Variants in SLC25A35 observed in about 807,000 individuals in gnomAD.
SLC25A35 encodes the protein solute carrier family 25, member 35.
Under a neutral mutation model 30.5 loss-of-function variants are expected in SLC25A35, and 32 were observed. The ratio of observed to expected loss-of-function variants is 1.05; its 90% CI spans 0.79 to 1.41. The LOEUF is 1.41. SLC25A35 is among the 40% of genes most tolerant of loss of function. SLC25A35 has a pLI of 0.00. For synonymous variants in SLC25A35, 142 were observed against 158.1 expected, an observed-to-expected ratio of 0.90 and a Z score of 0.77; for missense variants, 369 against 388.0, an observed-to-expected ratio of 0.95 and a Z score of 0.41.
In SLC25A35 at chr17:8,290,275, A is replaced by T. The variant is rs1990382206; in HGVS notation, c.*230T>A. 2 of 1,425,546 alleles carry T rather than the reference A, an allele frequency of 1.4e-6. No individual in the cohort carries two copies. Among genetic ancestry groups the T allele is most frequent in the Admixed American group, 5.8e-5 (2 of 34,446 alleles). 88.3% of individuals were successfully genotyped at this position (1,425,546 alleles called of 1,614,324 possible). On this transcript the variant is annotated 3_prime_UTR_variant, in exon 5 of 5. Coordinates refer to ENST00000577745, the MANE Select transcript of SLC25A35 (RefSeq NM_001320870.2). ...GGGATGACTCGTTCAGCCCTGAGAG[A>T]GGGGTGTGAGTTACCCAGGGAATGG...
downstream of SLC25A35, chr17:8,289,995 G>C (rs1302148871): frequency 1.9e-6 from 3 of 1,610,206 alleles, no homozygotes; most frequent in South Asian, 2.2e-5. Context: ...CTGTGAGGGG[G>C]AAAAGAGGTT....
chr17:8,294,309 T>C, intron 1 of SLC25A35, 124 bp downstream of exon 1: 1 of 1,049,510 alleles, frequency 9.5e-7, no homozygotes. Context: ...ACCAGCACTT[T>C]CCTGATGCCT....
downstream of SLC25A35, chr17:8,289,608 C>T (rs200354447): frequency 4.8e-5 from 77 of 1,609,496 alleles, 1 homozygote; most frequent in African/African-American, 3.9e-4. Context: ...AAGGAACGGG[C>T]GGGTATCTCA....
downstream of SLC25A35, chr17:8,288,603 C>G (rs1170234937): frequency 4.3e-6 from 3 of 694,268 alleles, no homozygotes; most frequent in Admixed American, 7.3e-5. Context: ...CGCTGACCCC[C>G]GCCCCCAGGG....
intron 2 of SLC25A35, among the ~76,000 whole-genome samples, chr17:8,291,979 C>T (rs1051187748): frequency 6.6e-6 from 1 of 151,914 alleles, no homozygotes; most frequent in Admixed American, 6.6e-5. Flanking sequence ...TTCAGGAGTT[C>T]GAGACCAGCC....
downstream of SLC25A35, chr17:8,289,967 G>A (rs764685778): frequency 6.2e-7 from 1 of 1,613,524 alleles, no homozygotes; most frequent in Non-Finnish European, 8.5e-7. Flanking sequence ...ATGTTGCTGA[G>A]AACTTGGGGA....
chr17:8,292,610 A>C, intron 1 of SLC25A35, 22 bp from the exon 2 acceptor site: 1 of 1,613,308 alleles, frequency 6.2e-7, no homozygotes, highest in Non-Finnish European at 8.5e-7. Flanking sequence ...AGAATATCAT[A>C]GCCTGTGCCC....
downstream of SLC25A35, chr17:8,289,903 C>G (rs371169825): frequency 3.7e-6 from 6 of 1,614,030 alleles, no homozygotes; most frequent in African/African-American, 8.0e-5. Flanking sequence ...CCAGTCTGAC[C>G]CTTCACGATC....
At chr17:8,292,661 C>T (rs532581301) in intron 1 of SLC25A35, 73 bp from the exon 2 acceptor site, 6 of 1,252,744 alleles carry the variant, frequency 4.8e-6, no homozygotes, top group South Asian at 2.4e-5. Flanking sequence ...TGTCTCACCC[C>T]CTCACACTTC....
chr17:8,290,282 TGA>T lies in SLC25A35; in HGVS notation c.*221_*222del. 1 of 1,425,598 alleles carries T rather than the reference TGA, an allele frequency of 7.0e-7. No individual in the cohort carries two copies. 88.3% of individuals were successfully genotyped at this position (1,425,598 alleles called of 1,614,324 possible). On this transcript the variant is annotated 3_prime_UTR_variant, in exon 5 of 5. Transcript: ENST00000577745. The stretch of plus-strand genomic sequence containing the variant: ...CTCGTTCAGCCCTGAGAGAGGGGTG[TGA>T]GTTACCCAGGGAATGGGTAGGGAAG...
At chr17:8,292,849 G>T (rs1022147894) in intron 1 of SLC25A35, among the ~76,000 whole-genome samples, 1 of 152,148 alleles carries the variant, frequency 6.6e-6, no homozygotes, top group African/African-American at 2.4e-5. Context: ...AGCAGTCGGG[G>T]GTGGAGTGGT....
chr17:8,289,807 C>A (rs1351095415), downstream of SLC25A35: 2 of 1,613,670 alleles, frequency 1.2e-6, no homozygotes, highest in African/African-American at 2.7e-5. Flanking sequence ...GTTCCCCCAC[C>A]CCAAGCCCTG....
At chr17:8,290,712 G>A in intron 4 of SLC25A35, 34 bp from the exon 5 acceptor site, 1 of 1,601,304 alleles carries the variant, frequency 6.2e-7, no homozygotes, top group Non-Finnish European at 8.5e-7. Flanking sequence ...GGAGAGCACA[G>A]AGAAGGAGTT....
chr17:8,294,827 G>C lies in SLC25A35; in HGVS notation c.-20C>G, dbSNP rs1990759245. ...GTCCATGGTGGGATAGCTGTAGCAGGAACTGACCCAAGAGTAAGAAAGTAA... is the reference window on the plus strand; with the variant it reads ...GTCCATGGTGGGATAGCTGTAGCAGCAACTGACCCAAGAGTAAGAAAGTAA... On this transcript the variant is annotated 5_prime_UTR_variant, in exon 1 of 5. Coordinates refer to ENST00000577745, the MANE Select transcript of SLC25A35 (RefSeq NM_001320870.2). The C allele has an allele frequency of 6.5e-7, 1 of 1,545,558 alleles. No individual in the cohort carries two copies. The highest frequency in any genetic ancestry group is 1.4e-5 in the African/African-American group (1 of 72,636).
At position 8,295,184 on chromosome 17, in the gene SLC25A35, A is replaced by C; in HGVS notation, c.-377T>G. 9.8e-7 allele frequency: 1 copy of C among 1,019,748 alleles called. No individual in the cohort carries two copies. The highest frequency in any genetic ancestry group is 1.2e-6 in the Non-Finnish European group (1 of 852,288). 63.2% of individuals were successfully genotyped at this position (1,019,748 alleles called of 1,614,324 possible). The stretch of plus-strand genomic sequence containing the variant: ...CGGGGTTGGGAGATGGAAGCCAGGG[A>C]GGCAGGAAGAAGAAAGCCAGCAAGT... On this transcript the variant is annotated 5_prime_UTR_variant, in exon 1 of 5. Transcript: ENST00000577745.
downstream of SLC25A35, chr17:8,289,235 C>T: frequency 6.2e-7 from 1 of 1,612,572 alleles, no homozygotes; most frequent in Non-Finnish European, 8.5e-7. Context: ...ATGTCCCTTC[C>T]TGACCCCGCT....
In SLC25A35 at chr17:8,290,135, G is replaced by A. The variant is rs1990369939; in HGVS notation, c.*370C>T. 8 of 1,455,802 alleles carry A rather than the reference G, an allele frequency of 5.5e-6. No homozygotes were observed. The highest frequency in any genetic ancestry group is 2.9e-5 in the African/African-American group (2 of 69,998). 90.2% of individuals were successfully genotyped at this position (1,455,802 alleles called of 1,614,324 possible). On this transcript the variant is annotated 3_prime_UTR_variant, in exon 5 of 5. Transcript: ENST00000577745. ...CTAACAGGACACCTGGGTCCCAGAC[G>A]CCTGGGAATTGGGTCTCTCGATTCC...
intron 1 of SLC25A35, among the ~76,000 whole-genome samples, chr17:8,292,890 C>T (rs1276903186): frequency 2.0e-5 from 3 of 152,132 alleles, no homozygotes; most frequent in Non-Finnish European, 4.4e-5. Flanking sequence ...TAAGGCTGTT[C>T]ATGTTAGGCA....
At chr17:8,292,042 C>T (rs1292772056) in intron 2 of SLC25A35, among the ~76,000 whole-genome samples, 1 of 152,154 alleles carries the variant, frequency 6.6e-6, no homozygotes, top group Non-Finnish European at 1.5e-5. Context: ...ATTAGCTGGA[C>T]GTGGTGGCGC....
Sources: allele counts gnomAD v4.1 joint callset (sites outside exome capture counted in the v4.1 genomes callset), GRCh38; gene constraint gnomAD v4.1.1; transcripts MANE v1.5; gene names NCBI Gene and HGNC (gene_info 2026-07-23, HGNC 2026-07-21).